FAM83B: variants seen among roughly 807,000 people sequenced by gnomAD.
FAM83B encodes the protein protein FAM83B.
FAM83B carries 26 observed loss-of-function variants against 38.8 expected under a neutral mutation model. The observed-to-expected ratio is 0.67, with a 90% CI of 0.49 to 0.93. The LOEUF (loss-of-function observed/expected upper bound fraction) is 0.93. FAM83B is among the 40% of genes least tolerant of loss of function. FAM83B has a pLI of 0.00. For missense variants in FAM83B, 1,237 were observed against 1,197.3 expected (o/e 1.03, Z -0.49); for synonymous variants, 419 against 423.1 (o/e 0.99, Z 0.12).
At position 54,926,389 on chromosome 6, in the gene FAM83B, G is replaced by A. The variant is rs1415941389; in HGVS notation, c.463G>A (p.Asp155Asn). 3.1e-6 allele frequency: 5 copies of A among 1,597,874 alleles called. No homozygotes were observed. Among genetic ancestry groups the A allele is most frequent in the Middle Eastern group, 1.7e-4 (1 of 6,000 alleles). Residue 155 changes from aspartate to asparagine, a missense_variant, in exon 3 of 5, where the codon GAT becomes AAT. Physicochemically the swap from Asp to Asn is conservative, Grantham distance 23. Coordinates refer to ENST00000306858, the MANE Select transcript of FAM83B (RefSeq NM_001010872.3). ...EARKVIALVM[D>N]IFTDVDIFKE... ...TTAACAGGTCATTGCTTTAGTGATG[G>A]ATATATTTACAGATGTGGACATTTT...
At chr6:54,914,908 CA>C (rs779445706) in intron 2 of FAM83B, among the ~76,000 whole-genome samples, 10 of 152,168 alleles carry the variant, frequency 6.6e-5, no homozygotes, top group African/African-American at 9.6e-5. Flanking sequence ...TGTTCACCAC[CA>C]AAATATGCCT....
At chr6:54,871,304 A>T (rs1379716924) in intron 2 of FAM83B, among the ~76,000 whole-genome samples, 2 of 151,992 alleles carry the variant, frequency 1.3e-5, no homozygotes, top group African/African-American at 2.4e-5. Flanking sequence ...AACTTGGGTA[A>T]AACTGTAGGA....
chr6:54,851,453 A>ATTTTG (rs939566480), intron 1 of FAM83B, among the ~76,000 whole-genome samples: 2 of 150,622 alleles, frequency 1.3e-5, no homozygotes, highest in African/African-American at 4.9e-5. Flanking sequence ...ATTTATTTAC[A>ATTTTG]TTTTGTTTTG....
chr6:54,889,921 C>T (rs1269858047), intron 2 of FAM83B, among the ~76,000 whole-genome samples: 1 of 151,900 alleles, frequency 6.6e-6, no homozygotes, highest in Non-Finnish European at 1.5e-5. Flanking sequence ...TATAAATATC[C>T]TACAAACATA....
rs766870217 is a variant in FAM83B, at chr6:54,941,869, G to A, written c.2898G>A (p.Ala966=). The A allele has an allele frequency of 7.4e-6, 12 of 1,613,900 alleles. No individual in the cohort carries two copies. The highest frequency in any genetic ancestry group is 1.1e-5 in the South Asian group (1 of 91,072). ...TSINRPEIKS[A]TMGNSYGRSS... The stretch of plus-strand genomic sequence containing the variant: ...TAAATCGCCCAGAAATAAAATCTGC[G>A]ACTATGGGCAACAGTTATGGCAGGT... The change falls in exon 5 of 5, where the codon GCG becomes GCA. Residue 966 remains alanine, a synonymous_variant. Coordinates refer to ENST00000306858, the MANE Select transcript of FAM83B (RefSeq NM_001010872.3).
chr6:54,912,888 T>TTAGGTAGA (rs1772944785), intron 2 of FAM83B, among the ~76,000 whole-genome samples: 1 of 151,936 alleles, frequency 6.6e-6, no homozygotes, highest in Admixed American at 6.6e-5. Context: ...AAACAGGAGA[T>TTAGGTAGA]TAGGTAGATA....
chr6:54,862,284 G>C (rs919946123), intron 1 of FAM83B, among the ~76,000 whole-genome samples: 4 of 152,202 alleles, frequency 2.6e-5, no homozygotes, highest in African/African-American at 9.6e-5. Flanking sequence ...TATATGACCA[G>C]TCTGGGCTGA....
At position 54,942,102 on chromosome 6, in the gene FAM83B, G is replaced by A. The variant is rs1773719330; in HGVS notation, c.*95G>A. 8 of 1,244,798 alleles carry A rather than the reference G, an allele frequency of 6.4e-6. No individual in the cohort carries two copies. Among genetic ancestry groups the A allele is most frequent in the Non-Finnish European group, 7.7e-6 (7 of 904,296 alleles). The allele number at this position is 1,244,798 out of a possible 1,614,324, so 77.1% of individuals were successfully genotyped here. ...ATGCCAATAGATTTTCCTAAGGACA[G>A]AATTATGGGTATGATGTATATGTTC... On this transcript the variant is annotated 3_prime_UTR_variant, in exon 5 of 5. Coordinates refer to ENST00000306858, the MANE Select transcript of FAM83B (RefSeq NM_001010872.3).
intron 2 of FAM83B, among the ~76,000 whole-genome samples, chr6:54,873,669 A>G (rs999652609): frequency 6.7e-6 from 1 of 149,530 alleles, no homozygotes. Flanking sequence ...TATTTGGATA[A>G]TGTATATTTT....
At chr6:54,888,107 A>C (rs533892531) in intron 2 of FAM83B, among the ~76,000 whole-genome samples, 2 of 151,246 alleles carry the variant, frequency 1.3e-5, no homozygotes, top group Middle Eastern at 3.2e-3. Context: ...TATTTATATA[A>C]TAATAAATTT....
chr6:54,871,801 A>T (rs144235928), intron 2 of FAM83B, among the ~76,000 whole-genome samples: 1 of 148,372 alleles, frequency 6.7e-6, no homozygotes, highest in African/African-American at 2.5e-5. Context: ...ATTTTTAATT[A>T]TAAAGTGTGC....
intron 2 of FAM83B, among the ~76,000 whole-genome samples, chr6:54,902,565 G>A (rs1255756091): frequency 6.6e-6 from 1 of 151,876 alleles, no homozygotes; most frequent in Non-Finnish European, 1.5e-5. Flanking sequence ...GGCTACACAT[G>A]CCCTCATTGA....
In FAM83B at chr6:54,940,409, C is replaced by T. The variant is rs770940709; in HGVS notation, c.1438C>T (p.Arg480Ter). Reference sequence around the variant, plus strand: ...TAACCATATCCGCTTTTTGCAACAACGAATGCCAACCCTTGAACATACCAC... The same window carrying T: ...TAACCATATCCGCTTTTTGCAACAATGAATGCCAACCCTTGAACATACCAC... ...TDNHIRFLQQ[R>*]MPTLEHTTKS... The change falls in exon 5 of 5, where the codon CGA becomes TGA. Residue 480 changes from arginine to a stop codon, truncating the protein, a stop_gained. Transcript: ENST00000306858. LOFTEE classifies it low-confidence loss of function (END_TRUNC). 4 of 1,613,984 alleles carry T rather than the reference C, an allele frequency of 2.5e-6. No individual in the cohort carries two copies. The highest frequency in any genetic ancestry group is 1.7e-5 in the Admixed American group (1 of 59,988).
intron 2 of FAM83B, among the ~76,000 whole-genome samples, chr6:54,884,481 CA>C (rs769913282): frequency 0.077 from 5,479 of 71,064 alleles, 235 homozygotes; most frequent in African/African-American, 0.18. Flanking sequence ...GACTCTGTCT[CA>C]AAAAAAAAAA....
intron 1 of FAM83B, among the ~76,000 whole-genome samples, chr6:54,867,077 G>A (rs1198984965): frequency 6.6e-6 from 1 of 151,220 alleles, no homozygotes; most frequent in Non-Finnish European, 1.5e-5. Flanking sequence ...ACATGGCATA[G>A]TGATATCTTT....
intron 1 of FAM83B, among the ~76,000 whole-genome samples, chr6:54,866,069 C>T (rs1030817791): frequency 1.3e-5 from 2 of 151,634 alleles, no homozygotes; most frequent in African/African-American, 4.8e-5. Flanking sequence ...TGTTATTCTC[C>T]TCTCTACATC....
chr6:54,860,019 A>C (rs1451352936), intron 1 of FAM83B, among the ~76,000 whole-genome samples: 1 of 150,142 alleles, frequency 6.7e-6, no homozygotes, highest in Non-Finnish European at 1.5e-5. Flanking sequence ...CTGTAGAACC[A>C]CTACTCAAAG....
In FAM83B at chr6:54,942,787, A is replaced by G. The variant is rs899903953; in HGVS notation, c.*780A>G. 6.6e-6 allele frequency among the ~76,000 whole-genome samples: 1 copy of G among 151,814 alleles called. No homozygotes were observed. The highest frequency in any genetic ancestry group is 1.5e-5 in the Non-Finnish European group (1 of 68,004). On this transcript the variant is annotated 3_prime_UTR_variant, in exon 5 of 5. Transcript: ENST00000306858. ...ACCAGTAGGAATTTAGAAAATCTGA[A>G]TGATTCCCCCTCCTTTTTCTATTGT...
chr6:54,931,178 C>A (rs760274090), intron 4 of FAM83B, among the ~76,000 whole-genome samples: 1 of 152,080 alleles, frequency 6.6e-6, no homozygotes, highest in Non-Finnish European at 1.5e-5. Context: ...TGATTTAAAT[C>A]TTCTTTAATT....
Sources: allele counts gnomAD v4.1 joint callset (sites outside exome capture counted in the v4.1 genomes callset), GRCh38; gene constraint gnomAD v4.1.1; transcripts MANE v1.5; gene names NCBI Gene and HGNC (gene_info 2026-07-23, HGNC 2026-07-21).